Variants in RIMS1 observed in about 807,000 individuals in gnomAD.
RIMS1 encodes the protein regulating synaptic membrane exocytosis protein 1.
In RIMS1, 83 loss-of-function variants were observed where a neutral mutation model predicts 214.1. That is an observed-to-expected ratio of 0.39 (90% CI 0.32 to 0.47). The LOEUF (loss-of-function observed/expected upper bound fraction) is 0.47. RIMS1 is among the 20% of genes least tolerant of loss of function. The probability of loss-of-function intolerance (pLI) is 0.99; values close to 1 mark genes in which losing one functional copy is unlikely to be tolerated. For missense variants in RIMS1, 2,050 were observed against 2,161.8 expected, an observed-to-expected ratio of 0.95 and a Z score of 1.03; for synonymous variants, 793 against 786.8, an observed-to-expected ratio of 1.01 and a Z score of -0.13.
intron 1 of RIMS1, among the ~76,000 whole-genome samples, chr6:71,907,168 C>A (rs1462694936): frequency 6.6e-6 from 1 of 152,292 alleles, no homozygotes; most frequent in South Asian, 2.1e-4. Flanking sequence ...ATTTACCCTG[C>A]ATTATGCTTA....
At chr6:72,127,309 T>C (rs1346176413) in intron 4 of RIMS1, among the ~76,000 whole-genome samples, 1 of 152,198 alleles carries the variant, frequency 6.6e-6, no homozygotes, top group Non-Finnish European at 1.5e-5. Context: ...CTGTGATGTT[T>C]TTTTTTTCCT....
intron 1 of RIMS1, among the ~76,000 whole-genome samples, chr6:71,902,683 C>T (rs1454583125): frequency 6.6e-6 from 1 of 152,006 alleles, no homozygotes; most frequent in Non-Finnish European, 1.5e-5. Context: ...CTCTCCCTCC[C>T]CTGCCCCCGA....
intron 4 of RIMS1, among the ~76,000 whole-genome samples, chr6:72,131,684 T>C (rs189783823): frequency 6.6e-6 from 1 of 152,324 alleles, no homozygotes; most frequent in African/African-American, 2.4e-5. Flanking sequence ...ACCATTGTCA[T>C]TGATAACATC....
intron 2 of RIMS1, among the ~76,000 whole-genome samples, chr6:71,973,273 A>G (rs1245964116): frequency 6.6e-6 from 1 of 152,242 alleles, no homozygotes; most frequent in African/African-American, 2.4e-5. Context: ...ATCTTCCAGA[A>G]GCAGAAAACA....
chr6:72,235,218 T>C (rs1269137586), intron 7 of RIMS1, among the ~76,000 whole-genome samples: 1 of 152,076 alleles, frequency 6.6e-6, no homozygotes, highest in Non-Finnish European at 1.5e-5. Flanking sequence ...GAACATTCAA[T>C]GTCCTCCTTC....
chr6:71,888,119 G>C lies in RIMS1; in HGVS notation c.164+932G>C, dbSNP rs1768407730. 2.6e-5 allele frequency among the ~76,000 whole-genome samples: 4 copies of C among 152,314 alleles called. 1 individual carries two copies. In the South Asian group the frequency reaches 8.3e-4, roughly 32 times the overall value. Reference sequence around the variant, plus strand: ...GACTACTTGCTGGTGGTGCAGGAGTGTGTGACACTGTGCTGCTGCTTGCCT... The same window carrying C: ...GACTACTTGCTGGTGGTGCAGGAGTCTGTGACACTGTGCTGCTGCTTGCCT... On this transcript the variant is annotated intron_variant, in intron 1 of 33. Transcript: ENST00000521978.
intron 1 of RIMS1, among the ~76,000 whole-genome samples, chr6:71,897,295 A>G (rs975105475): frequency 6.6e-6 from 1 of 152,108 alleles, no homozygotes; most frequent in African/African-American, 2.4e-5. Flanking sequence ...AATTCCTCCC[A>G]TCTGATCTGA....
chr6:72,028,295 T>TA (rs767321643), intron 2 of RIMS1, among the ~76,000 whole-genome samples: 1 of 152,206 alleles, frequency 6.6e-6, no homozygotes. Context: ...AATATTTAGT[T>TA]ATGTTTGTTA....
At chr6:72,360,376 T>G (rs1225832970) in intron 29 of RIMS1, among the ~76,000 whole-genome samples, 1 of 152,224 alleles carries the variant, frequency 6.6e-6, no homozygotes, top group South Asian at 2.1e-4. Context: ...TGTACAATAG[T>G]CTTTCTGTTA....
Position 72,182,456 on chromosome 6 carries a change from G to C in RIMS1, c.985G>C (p.Asp329His), listed in dbSNP as rs902617687. Residue 329 changes from aspartate to histidine, a missense_variant, in exon 6 of 34, where the codon GAC (aspartate) becomes CAC (histidine). By Grantham distance (81) the Asp-to-His change is moderately conservative. Around this residue, in one of 6 missense-constraint regions of RIMS1, gnomAD observed 882 missense variants for 828.9 expected, o/e 1.06. Transcript: ENST00000521978. ...GAAAGGGCGATCACAGGATTACCCA[G>C]ACACGCCGGAAAAACGGGATGAGGG... ...LEKGRSQDYP[D>H]TPEKRDEGKA... is the part of the protein sequence containing the mutation. The C allele has an allele frequency of 2.5e-6, 4 of 1,613,714 alleles. No homozygotes were observed. The African/African-American group carries it at 5.3e-5, about 21-fold the overall frequency.
intron 2 of RIMS1, among the ~76,000 whole-genome samples, chr6:71,973,251 A>C (rs76278397): frequency 0.011 from 1,737 of 152,224 alleles, 9 homozygotes; most frequent in Non-Finnish European, 0.017. Context: ...TAGGTATGTA[A>C]ATTTAGGTAC....
intron 4 of RIMS1, among the ~76,000 whole-genome samples, chr6:72,123,743 T>C (rs1392903547): frequency 6.6e-6 from 1 of 151,754 alleles, no homozygotes. Context: ...TCTTTGTCTC[T>C]TTTGATCTTT....
chr6:72,137,047 G>T (rs2041402586), intron 4 of RIMS1, among the ~76,000 whole-genome samples: 1 of 151,972 alleles, frequency 6.6e-6, no homozygotes, highest in Non-Finnish European at 1.5e-5. Flanking sequence ...TGGAGAGAAA[G>T]AAGTAAAGAT....
At chr6:72,236,783 T>TAAAA (rs11326772) in intron 8 of RIMS1, among the ~76,000 whole-genome samples, 2 of 128,494 alleles carry the variant, frequency 1.6e-5, no homozygotes, top group Non-Finnish European at 1.6e-5. Context: ...GCTGATGAGC[T>TAAAA]AAAAAAAAAA....
intron 6 of RIMS1, among the ~76,000 whole-genome samples, chr6:72,206,665 T>C (rs1286833763): frequency 1.3e-5 from 2 of 152,206 alleles, no homozygotes; most frequent in South Asian, 2.1e-4. Flanking sequence ...GCATAGACTT[T>C]TTTCTTCCAT....
chr6:72,314,833 C>CT (rs199927540), intron 28 of RIMS1, among the ~76,000 whole-genome samples: 63 of 151,068 alleles, frequency 4.2e-4, no homozygotes, highest in South Asian at 1.0e-3. Flanking sequence ...TAACCAAGGA[C>CT]TTTTTTTTTA....
chr6:72,210,069 C>A (rs567922078), intron 6 of RIMS1, among the ~76,000 whole-genome samples: 197 of 152,170 alleles, frequency 1.3e-3, no homozygotes, highest in African/African-American at 4.6e-3. Flanking sequence ...TCACAGATAT[C>A]CCAGTGACAG....
chr6:72,102,235 A>G (rs1388690039), intron 4 of RIMS1, among the ~76,000 whole-genome samples: 26 of 151,972 alleles, frequency 1.7e-4, no homozygotes, highest in Admixed American at 1.7e-3. Context: ...CTATTTTTTT[A>G]GTAAGGATGA....
intron 2 of RIMS1, among the ~76,000 whole-genome samples, chr6:72,011,654 G>C (rs1204459): frequency 0.45 from 68,750 of 151,788 alleles, 16,188 homozygotes; most frequent in Non-Finnish European, 0.52. Flanking sequence ...ACAACCCCAT[G>C]AAAAAGTGGG....
Sources: allele counts gnomAD v4.1 joint callset (sites outside exome capture counted in the v4.1 genomes callset), GRCh38; gene constraint gnomAD v4.1.1; regional missense constraint gnomAD v4.1.1; transcripts MANE v1.5; gene names NCBI Gene and HGNC (gene_info 2026-07-23, HGNC 2026-07-21).